SORCS1: variants seen among roughly 807,000 people sequenced by gnomAD.
The protein encoded by SORCS1 is sortilin related VPS10 domain containing receptor 1, also known as VPS10 domain-containing receptor SorCS1.
In SORCS1, 60 loss-of-function variants were observed where a neutral mutation model predicts 146.1. The ratio of observed to expected loss-of-function variants is 0.41; its 90% CI spans 0.33 to 0.51. SORCS1 has a LOEUF of 0.51. Among genes scored for constraint, SORCS1 ranks in the 20% least tolerant of loss-of-function variants. SORCS1 has a pLI of 0.21. For missense variants in SORCS1, 1,352 were observed against 1,487.6 expected (o/e 0.91, Z 1.50); for synonymous variants, 637 against 584.0 (o/e 1.09, Z -1.31).
chr10:106,946,693 A>G (rs1954362944), intron 2 of SORCS1, among the ~76,000 whole-genome samples: 1 of 152,234 alleles, frequency 6.6e-6, no homozygotes, highest in Non-Finnish European at 1.5e-5. Flanking sequence ...TACAGTATGG[A>G]AACAGACAAA....
intron 18 of SORCS1, among the ~76,000 whole-genome samples, chr10:106,649,596 T>A (rs73361957): frequency 2.8e-3 from 430 of 152,298 alleles, no homozygotes; most frequent in African/African-American, 9.5e-3. Context: ...TTTGCACATA[T>A]TCTTCTTGAG....
At chr10:106,808,543 C>T (rs1225634351) in intron 3 of SORCS1, among the ~76,000 whole-genome samples, 2 of 152,082 alleles carry the variant, frequency 1.3e-5, no homozygotes, top group Non-Finnish European at 2.9e-5. Context: ...CGCTCTGTCG[C>T]CCAGTCTGGA....
At chr10:106,763,444 G>C (rs1291414122) in intron 4 of SORCS1, among the ~76,000 whole-genome samples, 1 of 152,082 alleles carries the variant, frequency 6.6e-6, no homozygotes, top group African/African-American at 2.4e-5. Context: ...TCAAGTGGTG[G>C]GTATACAAAA....
intron 2 of SORCS1, among the ~76,000 whole-genome samples, chr10:106,856,622 C>T (rs1398142898): frequency 6.6e-6 from 1 of 152,162 alleles, no homozygotes; most frequent in African/African-American, 2.4e-5. Context: ...GCTGGAAGTA[C>T]GAAGGTAAGT....
At chr10:107,036,472 C>A (rs999349897) in intron 1 of SORCS1, among the ~76,000 whole-genome samples, 1 of 152,136 alleles carries the variant, frequency 6.6e-6, no homozygotes, top group African/African-American at 2.4e-5. Flanking sequence ...TCTATGCTCC[C>A]AGACACATAT....
chr10:106,620,090 G>A (rs1176083668), intron 20 of SORCS1: 4 of 179,442 alleles, frequency 2.2e-5, no homozygotes, highest in African/African-American at 9.4e-5. Flanking sequence ...TGGCCAGTAA[G>A]ACTCAATTTC....
At chr10:107,088,249 A>G (rs2134288152) in intron 1 of SORCS1, among the ~76,000 whole-genome samples, 1 of 152,020 alleles carries the variant, frequency 6.6e-6, no homozygotes, top group Middle Eastern at 3.4e-3. Flanking sequence ...TCCCCTGAAT[A>G]CTCTGCACAG....
chr10:106,924,225 GC>G (rs1169037343), intron 2 of SORCS1, among the ~76,000 whole-genome samples: 17 of 147,354 alleles, frequency 1.2e-4, no homozygotes, highest in African/African-American at 4.2e-4. Context: ...CTGTATTCCA[GC>G]CTGGACAATA....
At chr10:107,169,517 T>C (rs1970114340), upstream of SORCS1, among the ~76,000 whole-genome samples, 1 of 152,170 alleles carries the variant, frequency 6.6e-6, no homozygotes. Context: ...AGGGCTAAGA[T>C]TATCTACCTA....
intron 4 of SORCS1, among the ~76,000 whole-genome samples, chr10:106,765,355 A>G (rs1159727897): frequency 6.6e-6 from 1 of 150,376 alleles, no homozygotes; most frequent in African/African-American, 2.4e-5. Flanking sequence ...CTATCCTGAC[A>G]TGTTCCTCTC....
At chr10:106,918,241 A>G (rs1952539250) in intron 2 of SORCS1, among the ~76,000 whole-genome samples, 3 of 152,116 alleles carry the variant, frequency 2.0e-5, no homozygotes, top group Admixed American at 2.0e-4. Context: ...GCTCACTGCA[A>G]GCTCTGCCTC....
chr10:106,594,711 T>C (rs1045261341), intron 24 of SORCS1, among the ~76,000 whole-genome samples: 5 of 152,178 alleles, frequency 3.3e-5, no homozygotes, highest in African/African-American at 7.2e-5. Flanking sequence ...AACCTAAAGA[T>C]AGTGTTCATT....
chr10:107,080,623 G>A (rs1038449872), intron 1 of SORCS1, among the ~76,000 whole-genome samples: 4 of 152,250 alleles, frequency 2.6e-5, no homozygotes, highest in South Asian at 4.1e-4. Context: ...TTCTGTAACC[G>A]ACACAATAAG....
chr10:107,141,226 T>C (rs1046257565), intron 1 of SORCS1, among the ~76,000 whole-genome samples: 1 of 152,188 alleles, frequency 6.6e-6, no homozygotes, highest in African/African-American at 2.4e-5. Context: ...TTCATAAGAT[T>C]CTGGACTAAG....
Position 106,699,225 on chromosome 10 carries a change from C to A in SORCS1, c.1402G>T (p.Asp468Tyr). The change falls in exon 9 of 26, where the codon GAC (aspartate) becomes TAC (tyrosine). Residue 468 changes from aspartate to tyrosine, a missense_variant. Physicochemically the swap from Asp to Tyr is radical, Grantham distance 160. This residue lies in a region of SORCS1 where 648 missense variants were observed against 793.8 expected (regional missense o/e 0.82). Coordinates refer to ENST00000263054, the MANE Select transcript of SORCS1 (RefSeq NM_052918.5). ...SRGPEGNIMI[D>Y]LYEVAGIKGM... is the part of the protein sequence containing the mutation. ...GCCTCGTGACATACCTCATAGAGGT[C>A]GATCATGATGTTGCCCTCAGGGCCT... 1 of 1,611,496 alleles carries A rather than the reference C, an allele frequency of 6.2e-7. No homozygotes were observed. The highest frequency in any genetic ancestry group is 1.1e-5 in the South Asian group (1 of 90,536).
chr10:107,084,760 G>A (rs1447900524), intron 1 of SORCS1, among the ~76,000 whole-genome samples: 1 of 152,084 alleles, frequency 6.6e-6, no homozygotes, highest in African/African-American at 2.4e-5. Context: ...CCCATAATGA[G>A]ACTAAGTAAA....
At position 107,160,217 on chromosome 10, in the gene SORCS1, C is replaced by T. The variant is rs182244023; in HGVS notation, c.558+3752G>A. On this transcript the variant is annotated intron_variant, in intron 1 of 25. Transcript: ENST00000263054. ...ATAGGATTATCTAAAATATAAACTC[C>T]AAAAGGTCTGAGTTTTTCCGTCCTA... Among the ~76,000 whole-genome samples, 69 of 152,294 alleles carry T rather than the reference C, an allele frequency of 4.5e-4. 1 individual carries two copies. The East Asian group carries it at 7.1e-3, about 16-fold the overall frequency.
At chr10:106,996,858 C>A (rs1564905065) in intron 1 of SORCS1, among the ~76,000 whole-genome samples, 1 of 152,046 alleles carries the variant, frequency 6.6e-6, no homozygotes. Context: ...TAGTGCCTAT[C>A]TTGCAGTTAT....
intron 1 of SORCS1, among the ~76,000 whole-genome samples, chr10:107,152,063 C>T (rs1968851429): frequency 6.6e-6 from 1 of 152,190 alleles, no homozygotes; most frequent in African/African-American, 2.4e-5. Flanking sequence ...TGGTGCCCTG[C>T]ATCCCAGCTG....
Sources: gnomAD v4.1 joint callset for allele counts (sites outside exome capture counted in the v4.1 genomes callset) on GRCh38, gnomAD v4.1.1 for gene constraint, gnomAD v4.1.1 regional missense constraint, MANE v1.5 for transcripts, NCBI Gene and HGNC (gene_info 2026-07-23, HGNC 2026-07-21) for gene names.